Variants in PTPRF observed in about 807,000 individuals in gnomAD.
PTPRF encodes the protein receptor-type tyrosine-protein phosphatase F.
In PTPRF, 59 loss-of-function variants were observed where a neutral mutation model predicts 201.8. The ratio of observed to expected loss-of-function variants is 0.29; its 90% CI spans 0.24 to 0.36. The LOEUF is 0.36. PTPRF is among the 10% of genes least tolerant of loss of function. The probability of loss-of-function intolerance (pLI) is 1.00; values close to 1 mark genes in which losing one functional copy is unlikely to be tolerated. For synonymous variants in PTPRF, 1,088 were observed against 1,089.7 expected, an observed-to-expected ratio of 1.00 and a Z score of 0.03; for missense variants, 2,132 against 2,690.5, an observed-to-expected ratio of 0.79 and a Z score of 4.59.
chr1:43,563,486 G>A (rs1645950268), intron 5 of PTPRF, among the ~76,000 whole-genome samples: 1 of 152,194 alleles, frequency 6.6e-6, no homozygotes, highest in Non-Finnish European at 1.5e-5. Context: ...CAAATCTCAG[G>A]AGGCCAGAGC....
chr1:43,556,231 T>G (rs998475310), intron 5 of PTPRF, among the ~76,000 whole-genome samples: 3 of 152,112 alleles, frequency 2.0e-5, no homozygotes, highest in Non-Finnish European at 4.4e-5. Context: ...AGTTACTCTT[T>G]TTGTTGTTGT....
At position 43,619,584 on chromosome 1, in the gene PTPRF, G is replaced by T; in HGVS notation, c.4932+11G>T. 17 of 1,611,164 alleles carry T rather than the reference G, an allele frequency of 1.1e-5. No homozygotes were observed. The highest frequency in any genetic ancestry group is 1.4e-5 in the Non-Finnish European group (16 of 1,177,802). On this transcript the variant is annotated intron_variant, in intron 28 of 33. Coordinates refer to ENST00000359947, the MANE Select transcript of PTPRF (RefSeq NM_002840.5). ...GAGCTCGAGTTCAAGGTGGGGCTCG[G>T]GTGGGCCTGCTTGGCTCCAGGGCCT...
chr1:43,570,248 G>A (rs989930338), intron 6 of PTPRF, among the ~76,000 whole-genome samples: 2 of 152,176 alleles, frequency 1.3e-5, no homozygotes, highest in African/African-American at 4.8e-5. Flanking sequence ...GTTGTCCCTC[G>A]ACCACCAGAG....
At chr1:43,604,302 A>G (rs574941656) in intron 16 of PTPRF, 113 bp downstream of exon 16, 42 of 1,095,996 alleles carry the variant, frequency 3.8e-5, no homozygotes, top group Non-Finnish European at 5.2e-5. Context: ...CTGGTGTGTG[A>G]CCTCCAATCT....
At position 43,618,621 on chromosome 1, in the gene PTPRF, C is replaced by G; in HGVS notation, c.4372-9C>G. The stretch of plus-strand genomic sequence containing the variant: ...CTTCCTTCAGCCTGCCCTGCTCATC[C>G]TCCTGCAGGTAAAATGTGATCAGTA... On this transcript the variant is annotated splice_polypyrimidine_tract_variant and intron_variant, in intron 25 of 33. Transcript: ENST00000359947. The G allele has an allele frequency of 1.3e-6, 2 of 1,589,894 alleles. No homozygotes were observed. The highest frequency in any genetic ancestry group is 1.7e-4 in the Middle Eastern group (1 of 5,986).
chr1:43,595,221 G>GT (rs1275308677), intron 11 of PTPRF, among the ~76,000 whole-genome samples: 4 of 152,012 alleles, frequency 2.6e-5, no homozygotes, highest in Non-Finnish European at 5.9e-5. Flanking sequence ...TTTTGTTTTT[G>GT]TTTTTTTGAG....
In PTPRF at chr1:43,591,413, A is replaced by G. The variant is rs1650692075; in HGVS notation, c.1391A>G (p.Lys464Arg). 1 of 1,578,070 alleles carries G rather than the reference A, an allele frequency of 6.3e-7. No individual in the cohort carries two copies. The highest frequency in any genetic ancestry group is 1.3e-5 in the African/African-American group (1 of 74,374). The change falls in exon 9 of 34, where the codon AAG (lysine) becomes AGG (arginine). Residue 464 changes from lysine (K) to arginine (R), a missense_variant. This residue lies in a region of PTPRF where 351 missense variants were observed against 401.7 expected (regional missense o/e 0.87). Coordinates refer to ENST00000359947, the MANE Select transcript of PTPRF (RefSeq NM_002840.5). The stretch of plus-strand genomic sequence containing the variant: ...CGCCGCCCCCCGAACGCCTGGCACA[A>G]GCACAACACCGACGCGGGGCTCCTC... ...DSRRPPNAWH[K>R]HNTDAGLLTT...
At chr1:43,562,709 G>A (rs1381497953) in intron 5 of PTPRF, among the ~76,000 whole-genome samples, 2 of 152,088 alleles carry the variant, frequency 1.3e-5, no homozygotes. Flanking sequence ...ACTGCTCCTG[G>A]CCAAATTTTA....
chr1:43,575,133 A>G (rs1273092689), intron 6 of PTPRF, among the ~76,000 whole-genome samples: 1 of 152,188 alleles, frequency 6.6e-6, no homozygotes, highest in Non-Finnish European at 1.5e-5. Flanking sequence ...CTTGAGCCTC[A>G]GAGAAGGTAC....
At chr1:43,569,565 T>A (rs377433110) in intron 5 of PTPRF, 25 bp from the exon 6 acceptor site, 39 of 1,579,716 alleles carry the variant, frequency 2.5e-5, no homozygotes, top group Non-Finnish European at 3.3e-5. Flanking sequence ...CCAGCCCTAA[T>A]ACACACATTG....
At chr1:43,601,284 T>C (rs1653677691) in intron 13 of PTPRF, among the ~76,000 whole-genome samples, 1 of 152,186 alleles carries the variant, frequency 6.6e-6, no homozygotes. Flanking sequence ...CCTCCACCTG[T>C]CCATCTAGAA....
chr1:43,564,147 G>A (rs551197660), intron 5 of PTPRF, among the ~76,000 whole-genome samples: 1 of 152,338 alleles, frequency 6.6e-6, no homozygotes, highest in Admixed American at 6.5e-5. Context: ...ACTCAAAGCT[G>A]CGAAGGGAGA....
upstream of PTPRF, among the ~76,000 whole-genome samples, chr1:43,525,588 A>G (rs1048484174): frequency 6.6e-6 from 1 of 152,022 alleles, no homozygotes; most frequent in African/African-American, 2.4e-5. Context: ...AGATTACTTG[A>G]GGTCAGGAGT....
chr1:43,582,892 G>C (rs1648092620), intron 7 of PTPRF, among the ~76,000 whole-genome samples: 1 of 152,230 alleles, frequency 6.6e-6, no homozygotes, highest in Non-Finnish European at 1.5e-5. Flanking sequence ...TTTTGTGAGT[G>C]ATGTGGTTCG....
chr1:43,612,857 A>G (rs1301076704), intron 22 of PTPRF: 16 of 1,291,698 alleles, frequency 1.2e-5, no homozygotes, highest in Admixed American at 8.1e-5. Flanking sequence ...GTCTGTTTCC[A>G]CTCCTTACTT....
intron 8 of PTPRF, among the ~76,000 whole-genome samples, chr1:43,589,920 G>T (rs1650215271): frequency 1.3e-5 from 2 of 151,512 alleles, no homozygotes; most frequent in African/African-American, 4.9e-5. Context: ...ATTCTCAACA[G>T]CCTCTGATCC....
rs984033281 is a variant in PTPRF at position 43,606,448 on chromosome 1, C to T, written c.3692C>T (p.Pro1231Leu). Residue 1231 changes from proline (P) to leucine (L), a missense_variant, in exon 20 of 34, where the codon CCC (proline) becomes CTC (leucine). Coordinates refer to ENST00000359947, the MANE Select transcript of PTPRF (RefSeq NM_002840.5). ...QCFVLASLKE[P>L]MDQKRYASSP... ...TTTGTGCTTGCCTCCTTGAAGGAACCCATGGACCAGGTCTGCCTGAGCCGG... is the reference window on the plus strand; with the variant it reads ...TTTGTGCTTGCCTCCTTGAAGGAACTCATGGACCAGGTCTGCCTGAGCCGG... 1 of 1,613,260 alleles carries T rather than the reference C, an allele frequency of 6.2e-7. No homozygotes were observed. The highest frequency in any genetic ancestry group is 8.5e-7 in the Non-Finnish European group (1 of 1,179,632).
intron 7 of PTPRF, among the ~76,000 whole-genome samples, chr1:43,580,711 T>C (rs1175945080): frequency 9.9e-5 from 15 of 152,220 alleles, no homozygotes; most frequent in Non-Finnish European, 2.2e-4. Flanking sequence ...TTCTCAAAGA[T>C]CTGCCTCCTC....
intron 2 of PTPRF, among the ~76,000 whole-genome samples, chr1:43,540,366 TTGAGCAGAGTTCTGAGGGG>T (rs1432595489): frequency 6.6e-6 from 1 of 151,960 alleles, no homozygotes; most frequent in Non-Finnish European, 1.5e-5. Context: ...GATGGGCCAC[TTGAGCAGAGTTCTGAGGGG>T]TGAGTGAGTG....
Sources: allele counts gnomAD v4.1 joint callset (sites outside exome capture counted in the v4.1 genomes callset), GRCh38; gene constraint gnomAD v4.1.1; regional missense constraint gnomAD v4.1.1; transcripts MANE v1.5; gene names NCBI Gene and HGNC (gene_info 2026-07-23, HGNC 2026-07-21).